Variants in ADAT3 observed in about 807,000 individuals in gnomAD.
ADAT3 encodes the protein tRNA-specific adenosine-34 deaminase regulatory subunit ADAT3.
In ADAT3, 2 loss-of-function variants were observed where a neutral mutation model predicts 3.5. The ratio of observed to expected loss-of-function variants is 0.57; its 90% CI spans 0.23 to 1.79. The LOEUF (loss-of-function observed/expected upper bound fraction) is 1.79, where lower values mean the gene tolerates loss of function less well. Among genes scored for constraint, ADAT3 ranks in the 40% most tolerant of loss-of-function variants. ADAT3 has a pLI of 0.18. For synonymous variants in ADAT3, 358 were observed against 270.3 expected (o/e 1.32, Z -3.18); for missense variants, 735 against 571.4 (o/e 1.29, Z -2.92).
chr19:1,907,353 T>G, intron 1 of ADAT3, among the ~76,000 whole-genome samples: 1 of 133,760 alleles, frequency 7.5e-6, no homozygotes, highest in Middle Eastern at 4.0e-3. Flanking sequence ...GGCCCCTCCA[T>G]CCCCCCATTT....
Position 1,912,833 on chromosome 19 carries a change from C to T in ADAT3, c.786C>T (p.Phe262=). The change falls in exon 2 of 2, where the codon TTC becomes TTT. Residue 262 remains phenylalanine, a synonymous_variant. Transcript: ENST00000329478. Reference sequence around the variant, plus strand: ...GCGGCACCTACGACTTCAGACCCTTCCCCGCCTGCTCCTTCGCCCCGGCCG... The same window carrying T: ...GCGGCACCTACGACTTCAGACCCTTTCCCGCCTGCTCCTTCGCCCCGGCCG... ...QGRGTYDFRP[F]PACSFAPAAA... is the part of the protein sequence containing the mutation. 2 of 1,592,852 alleles carry T rather than the reference C, an allele frequency of 1.3e-6. No individual in the cohort carries two copies. Among genetic ancestry groups the T allele is most frequent in the Non-Finnish European group, 1.7e-6 (2 of 1,176,078 alleles).
At chr19:1,907,219 T>A (rs1416187562) in intron 1 of ADAT3, 1 of 150,990 alleles carries the variant, frequency 6.6e-6, no homozygotes, top group Non-Finnish European at 1.5e-5. Flanking sequence ...ACTATTGGTG[T>A]GCCCTGGAAC....
rs1408676531 is a variant in ADAT3 at position 1,908,851 on chromosome 19, C to G, written c.-158-3039C>G. On this transcript the variant is annotated intron_variant, in intron 1 of 1. Coordinates refer to ENST00000329478, the MANE Select transcript of ADAT3 (RefSeq NM_138422.4). This position sits in a 1 kb window ranked among gnomAD's most constrained non-coding sequence, Gnocchi z 4.2. The stretch of plus-strand genomic sequence containing the variant: ...GGGCACGGTGGCTCACACCTGTAAT[C>G]CCAGCACTTTGGGAGGCTGAGGCAG... 1.3e-5 allele frequency among the ~76,000 whole-genome samples: 2 copies of G among 151,958 alleles called. No individual in the cohort carries two copies. Among genetic ancestry groups the G allele is most frequent in the Non-Finnish European group, 2.9e-5 (2 of 67,996 alleles).
chr19:1,907,286 C>T (rs1362510183), intron 1 of ADAT3: 1 of 151,680 alleles, frequency 6.6e-6, no homozygotes, highest in East Asian at 1.9e-4. Context: ...GCCTTCCAGG[C>T]TGGGCTGTGG....
rs756796667 is a variant in ADAT3, at chr19:1,913,049, C to T, written c.1002C>T (p.Gly334=). The stretch of plus-strand genomic sequence containing the variant: ...CGCCCTCGCCCGACGGCGCCCTGGG[C>T]ACCCGCTTCCGCATCCACGCACGGC... ...YGAPSPDGAL[G]TRFRIHARPD... Residue 334 remains glycine, a synonymous_variant, in exon 2 of 2, where the codon GGC becomes GGT. Transcript: ENST00000329478. 5.6e-6 allele frequency: 9 copies of T among 1,603,258 alleles called. No homozygotes were observed. The highest frequency in any genetic ancestry group is 7.6e-6 in the Non-Finnish European group (9 of 1,179,060).
rs1221671049 is a variant in ADAT3 at position 1,912,970 on chromosome 19, C to G, written c.923C>G (p.Ala308Gly). 1.2e-6 allele frequency: 2 copies of G among 1,609,706 alleles called. No homozygotes were observed. The highest frequency in any genetic ancestry group is 1.3e-5 in the African/African-American group (1 of 74,888). ...CTGTACGTGACCCGCGAGCCCTGCGCCATGTGCGCCATGGCCCTGGTGCAC... is the reference window on the plus strand; with the variant it reads ...CTGTACGTGACCCGCGAGCCCTGCGGCATGTGCGCCATGGCCCTGGTGCAC... ...YDLYVTREPC[A>G]MCAMALVHAR... is the part of the protein sequence containing the mutation. Residue 308 changes from alanine to glycine, a missense_variant, in exon 2 of 2, where the codon GCC becomes GGC. Coordinates refer to ENST00000329478, the MANE Select transcript of ADAT3 (RefSeq NM_138422.4).
chr19:1,911,644 G>C (rs758938145), intron 1 of ADAT3, among the ~76,000 whole-genome samples: 1 of 152,164 alleles, frequency 6.6e-6, no homozygotes, highest in African/African-American at 2.4e-5. Context: ...TTAGTCGGGC[G>C]TGGTGGCGCA....
At chr19:1,910,546 C>T (rs537529891) in intron 1 of ADAT3, among the ~76,000 whole-genome samples, 6 of 150,352 alleles carry the variant, frequency 4.0e-5, no homozygotes, top group Non-Finnish European at 8.9e-5. Context: ...CTGAATAGGA[C>T]ACTTGATAGT....
chr19:1,907,241 T>TGTTC (rs2013173327), intron 1 of ADAT3: 1 of 151,288 alleles, frequency 6.6e-6, no homozygotes, highest in Non-Finnish European at 1.5e-5. Flanking sequence ...GAGCATTAGC[T>TGTTC]GTTCCCTCTC....
At chr19:1,910,087 G>C (rs920001687) in intron 1 of ADAT3, among the ~76,000 whole-genome samples, 6 of 152,178 alleles carry the variant, frequency 3.9e-5, no homozygotes, top group Non-Finnish European at 7.3e-5. Context: ...CAGACTCCGT[G>C]CATCTGTGGG....
rs1329254516 is a variant in ADAT3 at position 1,908,944 on chromosome 19, A to C, written c.-158-2946A>C. On this transcript the variant is annotated intron_variant, in intron 1 of 1. Transcript: ENST00000329478. The surrounding 1 kb of genome is among the most constrained non-coding windows in gnomAD (Gnocchi z 4.2). Reference sequence around the variant, plus strand: ...ACATGGTGGAACCCCGTCTCTACTGAAAATACAAAAATTAGCCGGGCGTGG... The same window carrying C: ...ACATGGTGGAACCCCGTCTCTACTGCAAATACAAAAATTAGCCGGGCGTGG... 6.6e-6 allele frequency among the ~76,000 whole-genome samples: 1 copy of C among 151,998 alleles called. No homozygotes were observed. The highest frequency in any genetic ancestry group is 1.5e-5 in the Non-Finnish European group (1 of 68,004).
Position 1,913,176 on chromosome 19 carries a change from CT to C in ADAT3, c.*27del. 1 of 1,489,218 alleles carries C rather than the reference CT, an allele frequency of 6.7e-7. No individual in the cohort carries two copies. The highest frequency in any genetic ancestry group is 8.9e-7 in the Non-Finnish European group (1 of 1,120,364). The allele number at this position is 1,489,218 out of a possible 1,614,324, so 92.3% of individuals were successfully genotyped here. On this transcript the variant is annotated 3_prime_UTR_variant, in exon 2 of 2. Transcript: ENST00000329478. Reference sequence around the variant, plus strand: ...GGCGCCGCCCTCCTGCCTCCGGACCCTTCCCGCTCCCGGCCGTGGGGCGCCC... The same window carrying C: ...GGCGCCGCCCTCCTGCCTCCGGACCCTCCCGCTCCCGGCCGTGGGGCGCCC...
intron 1 of ADAT3, among the ~76,000 whole-genome samples, chr19:1,910,219 A>G (rs1350506711): frequency 6.6e-6 from 1 of 152,186 alleles, no homozygotes; most frequent in Non-Finnish European, 1.5e-5. Context: ...CTGTGTTGTC[A>G]TCTGGAGGCT....
At position 1,912,943 on chromosome 19, in the gene ADAT3, A is replaced by C; in HGVS notation, c.896A>C (p.Asp299Ala). 1 of 1,610,316 alleles carries C rather than the reference A, an allele frequency of 6.2e-7. No individual in the cohort carries two copies. The highest frequency in any genetic ancestry group is 8.5e-7 in the Non-Finnish European group (1 of 1,179,326). The change falls in exon 2 of 2, where the codon GAC (aspartate) becomes GCC (alanine). Residue 299 changes from aspartate (D) to alanine (A), a missense_variant. Transcript: ENST00000329478. ...CTCCCCTACCTGTGCACTGGCTACG[A>C]CCTGTACGTGACCCGCGAGCCCTGC... ...DGLPYLCTGY[D>A]LYVTREPCAM...
At chr19:1,910,050 G>T (rs2013355916) in intron 1 of ADAT3, among the ~76,000 whole-genome samples, 1 of 152,218 alleles carries the variant, frequency 6.6e-6, no homozygotes, top group African/African-American at 2.4e-5. Context: ...CCCACACTTG[G>T]CATGCTTGCT....
Position 1,913,046 on chromosome 19 carries a change from G to A in ADAT3, c.999G>A (p.Leu333=). 1 of 1,603,642 alleles carries A rather than the reference G, an allele frequency of 6.2e-7. No individual in the cohort carries two copies. The change falls in exon 2 of 2, where the codon CTG becomes CTA. Residue 333 remains leucine, a synonymous_variant. Coordinates refer to ENST00000329478, the MANE Select transcript of ADAT3 (RefSeq NM_138422.4). ...GTGCGCCCTCGCCCGACGGCGCCCT[G>A]GGCACCCGCTTCCGCATCCACGCAC... ...FYGAPSPDGA[L]GTRFRIHARP... is the part of the protein sequence containing the mutation.
rs911521961 is a variant in ADAT3, at chr19:1,912,486, C to G, written c.439C>G (p.Arg147Gly). 5 of 1,499,156 alleles carry G rather than the reference C, an allele frequency of 3.3e-6. No homozygotes were observed. In the African/African-American group the frequency reaches 5.8e-5, roughly 17 times the overall value. 92.9% of individuals were successfully genotyped at this position (1,499,156 alleles called of 1,614,324 possible). Residue 147 changes from arginine (R) to glycine (G), a missense_variant, in exon 2 of 2, where the codon CGG becomes GGG. Physicochemically the swap from Arg to Gly is moderately radical, Grantham distance 125. Coordinates refer to ENST00000329478, the MANE Select transcript of ADAT3 (RefSeq NM_138422.4). ...GQPFLVPVPA[R>G]PPLTRGQFEE... ...ACCCTTCCTGGTGCCCGTGCCCGCC[C>G]GGCCGCCTCTGACCAGGGGCCAGTT...
At position 1,908,466 on chromosome 19, in the gene ADAT3, C is replaced by T. The variant is rs1382400383; in HGVS notation, c.-159+3027C>T. On this transcript the variant is annotated intron_variant, in intron 1 of 1. Coordinates refer to ENST00000329478, the MANE Select transcript of ADAT3 (RefSeq NM_138422.4). This position sits in a 1 kb window ranked among gnomAD's most constrained non-coding sequence, Gnocchi z 4.2. ...CACAGCTGCGCGGCTGCGAAATGAT[C>T]CAGAGACACATCCCTGTCTGCGGGA... The T allele has an allele frequency of 2.1e-6, 1 of 470,670 alleles. No individual in the cohort carries two copies. The highest frequency in any genetic ancestry group is 2.0e-5 in the African/African-American group (1 of 50,030). The allele number at this position is 470,670 out of a possible 1,614,324, so 29.2% of individuals were successfully genotyped here. A position where few individuals can be genotyped will look rare whatever the true frequency, so the allele number is the denominator to read the frequency against.
Position 1,913,203 on chromosome 19 carries a change from C to T in ADAT3, c.*52C>T, listed in dbSNP as rs1187890246. 3.4e-6 allele frequency: 5 copies of T among 1,461,346 alleles called. No individual in the cohort carries two copies. The highest frequency in any genetic ancestry group is 1.4e-5 in the African/African-American group (1 of 70,286). The allele number at this position is 1,461,346 out of a possible 1,614,324, so 90.5% of individuals were successfully genotyped here. A position where few individuals can be genotyped will look rare whatever the true frequency, so the allele number is the denominator to read the frequency against. Reference sequence around the variant, plus strand: ...TCCCGCTCCCGGCCGTGGGGCGCCCCTCCTGGACTTCCGGGCCTCGATTTC... The same window carrying T: ...TCCCGCTCCCGGCCGTGGGGCGCCCTTCCTGGACTTCCGGGCCTCGATTTC... On this transcript the variant is annotated 3_prime_UTR_variant, in exon 2 of 2. Coordinates refer to ENST00000329478, the MANE Select transcript of ADAT3 (RefSeq NM_138422.4).
Sources: gnomAD v4.1 joint callset for allele counts (sites outside exome capture counted in the v4.1 genomes callset) on GRCh38, gnomAD v4.1.1 for gene constraint, Gnocchi (gnomAD v3.1) non-coding constraint, MANE v1.5 for transcripts, NCBI Gene and HGNC (gene_info 2026-07-23, HGNC 2026-07-21) for gene names.